CHN2: variants seen among roughly 807,000 people sequenced by gnomAD.
CHN2 encodes the protein chimerin 2.
In CHN2, 35 loss-of-function variants were observed where a neutral mutation model predicts 56.3. The ratio of observed to expected loss-of-function variants is 0.62; its 90% CI spans 0.47 to 0.82. The LOEUF is 0.82. Among genes scored for constraint, CHN2 ranks in the 40% least tolerant of loss-of-function variants. The pLI, the probability that CHN2 is intolerant of heterozygous loss-of-function variation, is 0.00. For synonymous variants in CHN2, 210 were observed against 212.8 expected (o/e 0.99, Z 0.12); for missense variants, 491 against 580.5 (o/e 0.85, Z 1.58).
intron 1 of CHN2, among the ~76,000 whole-genome samples, chr7:29,211,146 C>T (rs775332505): frequency 7.2e-5 from 11 of 151,948 alleles, no homozygotes; most frequent in Non-Finnish European, 1.3e-4. Flanking sequence ...TCTCGGCTCA[C>T]TGCAAGCTCC....
intron 1 of CHN2, among the ~76,000 whole-genome samples, chr7:29,266,698 C>A (rs576313467): frequency 6.6e-6 from 1 of 152,300 alleles, no homozygotes; most frequent in South Asian, 2.1e-4. Flanking sequence ...GAAAGTGGAG[C>A]AAGATTTTGA....
chr7:29,430,843 T>C (rs1782802761), intron 6 of CHN2, among the ~76,000 whole-genome samples: 2 of 150,116 alleles, frequency 1.3e-5, no homozygotes, highest in Non-Finnish European at 3.0e-5. Context: ...TCCCTCCCTT[T>C]ACAGGAGAAA....
chr7:29,244,629 G>C (rs1787935251), intron 1 of CHN2, among the ~76,000 whole-genome samples: 1 of 152,136 alleles, frequency 6.6e-6, no homozygotes, highest in African/African-American at 2.4e-5. Context: ...GTACGTGCGC[G>C]CCATATGTTG....
chr7:29,210,499 T>C (rs1038774145), intron 1 of CHN2, among the ~76,000 whole-genome samples: 25 of 152,236 alleles, frequency 1.6e-4, no homozygotes, highest in African/African-American at 6.0e-4. Context: ...TTCCAGATTT[T>C]AGAGATACTG....
Position 29,366,760 on chromosome 7 carries a change from G to A in CHN2, c.89-1172G>A, listed in dbSNP as rs899093879. Among the ~76,000 whole-genome samples, 36 of 152,132 alleles carry A rather than the reference G, an allele frequency of 2.4e-4. 1 individual carries two copies. The highest frequency in any genetic ancestry group is 8.2e-4 in the African/African-American group (34 of 41,424). ...TGGTACATTTCAAAATGTATAAAGG[G>A]TTAGATAGCTCCTTCTCTGTGCTAA... On this transcript the variant is annotated intron_variant, in intron 2 of 12. Coordinates refer to ENST00000222792, the MANE Select transcript of CHN2 (RefSeq NM_004067.4).
intron 6 of CHN2, among the ~76,000 whole-genome samples, chr7:29,411,822 G>A (rs1004847391): frequency 1.8e-4 from 28 of 152,114 alleles, no homozygotes; most frequent in African/African-American, 5.6e-4. Flanking sequence ...AGCTTCTCGC[G>A]GAGCTGCCCT....
At chr7:29,350,015 C>T (rs1797755896) in intron 1 of CHN2, among the ~76,000 whole-genome samples, 1 of 152,198 alleles carries the variant, frequency 6.6e-6, no homozygotes, top group African/African-American at 2.4e-5. Context: ...CAATTTTTCA[C>T]ACCACTAATT....
chr7:29,320,861 A>C (rs1197759490), intron 1 of CHN2, among the ~76,000 whole-genome samples: 4 of 152,150 alleles, frequency 2.6e-5, no homozygotes, highest in African/African-American at 9.7e-5. Flanking sequence ...TCCTGTTTGC[A>C]AAGGTGAATC....
At chr7:29,197,533 A>T (rs1447646848) in intron 1 of CHN2, among the ~76,000 whole-genome samples, 1 of 152,236 alleles carries the variant, frequency 6.6e-6, no homozygotes, top group African/African-American at 2.4e-5. Context: ...GCTTAATGTG[A>T]ATAAATTTTA....
chr7:29,447,375 G>T (rs1249091098), intron 6 of CHN2, among the ~76,000 whole-genome samples: 1 of 152,132 alleles, frequency 6.6e-6, no homozygotes, highest in Admixed American at 6.5e-5. Flanking sequence ...AGATTAGAGA[G>T]ATTAAAGACA....
At chr7:29,264,583 TG>T (rs1197874195) in intron 1 of CHN2, among the ~76,000 whole-genome samples, 4 of 152,174 alleles carry the variant, frequency 2.6e-5, no homozygotes, top group African/African-American at 9.7e-5. Flanking sequence ...CGGTGCAAGT[TG>T]TGCTTTGTTG....
intron 1 of CHN2, chr7:29,209,001 C>G (rs1348652004): frequency 1.3e-5 from 2 of 152,284 alleles, no homozygotes; most frequent in African/African-American, 4.8e-5. Context: ...ATAAAAAAGA[C>G]TTTCTCAGAC....
intron 6 of CHN2, among the ~76,000 whole-genome samples, chr7:29,474,171 C>A (rs1229939344): frequency 6.6e-6 from 1 of 152,178 alleles, no homozygotes; most frequent in East Asian, 1.9e-4. Flanking sequence ...CTACTTCTCA[C>A]CTAACATTAT....
intron 2 of CHN2, among the ~76,000 whole-genome samples, chr7:29,356,346 G>A (rs113803187): frequency 3.9e-5 from 6 of 152,206 alleles, no homozygotes; most frequent in Middle Eastern, 3.4e-3. Context: ...AAATATGAAT[G>A]TACGTATTTG....
intron 7 of CHN2, 88 bp downstream of exon 7, chr7:29,480,444 A>C: frequency 3.0e-6 from 4 of 1,321,260 alleles, no homozygotes; most frequent in Non-Finnish European, 4.3e-6. Flanking sequence ...TCTGACTGTA[A>C]AGTCAAGAGA....
At chr7:29,153,902 T>C (rs1483809771) in intron 2 of CHN2, among the ~76,000 whole-genome samples, 1 of 152,096 alleles carries the variant, frequency 6.6e-6, no homozygotes. Context: ...CATTTTCTTT[T>C]CTCTAGCTTA....
At chr7:29,251,911 GT>G (rs1788550464) in intron 1 of CHN2, among the ~76,000 whole-genome samples, 1 of 152,162 alleles carries the variant, frequency 6.6e-6, no homozygotes, top group Non-Finnish European at 1.5e-5. Context: ...GGTGACAGTG[GT>G]TTTTGAAGGT....
At position 29,307,535 on chromosome 7, in the gene CHN2, G is replaced by A. The variant is rs1794267188; in HGVS notation, c.50-47090G>A. On this transcript the variant is annotated intron_variant, in intron 1 of 12. Coordinates refer to ENST00000222792, the MANE Select transcript of CHN2 (RefSeq NM_004067.4). ...TCAGATGAAGTAAGATTGCTAACCA[G>A]GTGACCTTGATTGAGATGGGCAAAT... 2.0e-5 allele frequency among the ~76,000 whole-genome samples: 3 copies of A among 152,322 alleles called. No individual in the cohort carries two copies. The South Asian group carries it at 6.2e-4, about 32-fold the overall frequency.
At chr7:29,212,228 A>G in intron 1 of CHN2, 2 of 702,234 alleles carry the variant, frequency 2.8e-6, no homozygotes, top group Non-Finnish European at 4.9e-6. Context: ...TCTTCCAGAA[A>G]AGTCTTAAAG....
Sources: gnomAD v4.1 joint callset for allele counts (sites outside exome capture counted in the v4.1 genomes callset) on GRCh38, gnomAD v4.1.1 for gene constraint, MANE v1.5 for transcripts, NCBI Gene and HGNC (gene_info 2026-07-23, HGNC 2026-07-21) for gene names.